Variants in DPYSL5 observed in about 807,000 individuals in gnomAD.
DPYSL5 encodes dihydropyrimidinase-related protein 5.
In DPYSL5, 9 loss-of-function variants were observed where a neutral mutation model predicts 58.4. That is an observed-to-expected ratio of 0.15 (90% CI 0.09 to 0.27). The LOEUF (loss-of-function observed/expected upper bound fraction) is 0.27, where lower values mean the gene tolerates loss of function less well. Ranked by LOEUF, DPYSL5 falls within the 10% of genes least tolerant of loss-of-function variation. The probability of loss-of-function intolerance (pLI) is 1.00; values close to 1 mark genes in which losing one functional copy is unlikely to be tolerated. For missense variants in DPYSL5, 499 were observed against 770.6 expected (o/e 0.65, Z 4.17); for synonymous variants, 293 against 301.9 (o/e 0.97, Z 0.31).
At chr2:26,932,155 G>T (rs1159443193) in intron 6 of DPYSL5, among the ~76,000 whole-genome samples, 51 of 52,352 alleles carry the variant, frequency 9.7e-4, no homozygotes, top group African/African-American at 3.5e-3. Context: ...AAGAAAGAAA[G>T]AAAGAAAGAA....
At chr2:26,920,052 T>C (rs1214919950) in intron 2 of DPYSL5, among the ~76,000 whole-genome samples, 4 of 152,228 alleles carry the variant, frequency 2.6e-5, no homozygotes, top group African/African-American at 9.6e-5. Context: ...TGTATAAATT[T>C]TTAAATGTTA....
Position 26,933,303 on chromosome 2 carries a change from G to A in DPYSL5, c.760G>A (p.Gly254Ser). 1.2e-6 allele frequency: 2 copies of A among 1,614,152 alleles called. No individual in the cohort carries two copies. Among genetic ancestry groups the A allele is most frequent in the Non-Finnish European group, 1.7e-6 (2 of 1,180,016 alleles). The change falls in exon 7 of 13, where the codon GGT becomes AGT. Residue 254 changes from glycine to serine, a missense_variant. By Grantham distance (56) the Gly-to-Ser change is moderately conservative (BLOSUM62 0). Coordinates refer to ENST00000288699, the MANE Select transcript of DPYSL5 (RefSeq NM_020134.4). This position sits in a 1 kb window ranked among gnomAD's most constrained non-coding sequence, Gnocchi z 4.2. Reference protein sequence around the residue: ...YLVNVSSISAGDVIAAAKMQG... With the variant: ...YLVNVSSISASDVIAAAKMQG... ...GGTCAACGTGTCCAGTATCTCGGCT[G>A]GTGACGTTATCGCAGCTGCTAAGAT...
At chr2:26,902,631 G>A (rs147284884) in intron 2 of DPYSL5, among the ~76,000 whole-genome samples, 181 of 152,218 alleles carry the variant, frequency 1.2e-3, no homozygotes, top group African/African-American at 4.0e-3. Context: ...TGTCAGAGAC[G>A]TGTGAACCAG....
intron 2 of DPYSL5, among the ~76,000 whole-genome samples, chr2:26,921,392 C>T (rs1015301652): frequency 5.3e-5 from 8 of 152,314 alleles, no homozygotes; most frequent in African/African-American, 1.7e-4. Context: ...ACTTAACCAA[C>T]ACCATTTTTT....
At chr2:26,854,663 C>T (rs1228274704) in intron 1 of DPYSL5, among the ~76,000 whole-genome samples, 1 of 152,180 alleles carries the variant, frequency 6.6e-6, no homozygotes, top group Admixed American at 6.5e-5. Context: ...TTTTCTCGTC[C>T]AGGTGGCTTC....
intron 1 of DPYSL5, among the ~76,000 whole-genome samples, chr2:26,866,632 A>G (rs1265091616): frequency 2.0e-5 from 3 of 152,288 alleles, no homozygotes; most frequent in African/African-American, 4.8e-5. Flanking sequence ...ATCATTACAC[A>G]TTATATACAT....
chr2:26,935,794 T>C (rs373369820), intron 8 of DPYSL5, among the ~76,000 whole-genome samples: 1 of 152,012 alleles, frequency 6.6e-6, no homozygotes, highest in East Asian at 1.9e-4. Context: ...TCCCTCCTGA[T>C]CCCCAGCTCA....
In DPYSL5 at chr2:26,944,723, G is replaced by A; in HGVS notation, c.1508G>A (p.Gly503Glu). Residue 503 changes from glycine to glutamate, a missense_variant, in exon 12 of 13, where the codon GGG becomes GAG. Coordinates refer to ENST00000288699, the MANE Select transcript of DPYSL5 (RefSeq NM_020134.4). This position sits in a 1 kb window ranked among gnomAD's most constrained non-coding sequence, Gnocchi z 4.4. Reference sequence around the variant, plus strand: ...GATGTCGCTGTTGTCGTGCACCCTGGGAAAAAAGAGATGGGAACCCCACTC... The same window carrying A: ...GATGTCGCTGTTGTCGTGCACCCTGAGAAAAAAGAGATGGGAACCCCACTC... Reference protein sequence around the residue: ...LGDVAVVVHPGKKEMGTPLAD... With the variant: ...LGDVAVVVHPEKKEMGTPLAD... 2 of 1,613,994 alleles carry A rather than the reference G, an allele frequency of 1.2e-6. No homozygotes were observed. The highest frequency in any genetic ancestry group is 1.7e-6 in the Non-Finnish European group (2 of 1,179,994).
At position 26,849,281 on chromosome 2, in the gene DPYSL5, G is replaced by A. The variant is rs571897169; in HGVS notation, c.-5+1027G>A. Reference sequence around the variant, plus strand: ...CGCCTGGGTTTGAGGAGGGAGGACGGGAGCGAGGAGAAGACCCGCGCTGTG... The same window carrying A: ...CGCCTGGGTTTGAGGAGGGAGGACGAGAGCGAGGAGAAGACCCGCGCTGTG... On this transcript the variant is annotated intron_variant, in intron 1 of 12. Transcript: ENST00000288699. The surrounding 1 kb of genome is among the most constrained non-coding windows in gnomAD (Gnocchi z 6.2). Among the ~76,000 whole-genome samples the A allele has an allele frequency of 7.2e-5, 11 of 151,884 alleles. No individual in the cohort carries two copies. The highest frequency in any genetic ancestry group is 2.1e-4 in the South Asian group (1 of 4,810).
chr2:26,873,982 G>C (rs1663338688), intron 1 of DPYSL5, among the ~76,000 whole-genome samples: 1 of 152,056 alleles, frequency 6.6e-6, no homozygotes, highest in Admixed American at 6.6e-5. Context: ...TTTCATTGTG[G>C]TTTTAATTTG....
chr2:26,939,797 A>C, intron 8 of DPYSL5: 1 of 511,596 alleles, frequency 2.0e-6, no homozygotes, highest in East Asian at 3.3e-5. Flanking sequence ...CAAGGCTCTC[A>C]CTGAAGTCTC....
chr2:26,921,636 T>C (rs1248412163), intron 2 of DPYSL5, among the ~76,000 whole-genome samples: 5 of 152,204 alleles, frequency 3.3e-5, no homozygotes, highest in African/African-American at 1.2e-4. Context: ...CAACTCTATG[T>C]ATGTCTTGCC....
chr2:26,849,159 C>T lies in DPYSL5; in HGVS notation c.-5+905C>T, dbSNP rs1373085770. On this transcript the variant is annotated intron_variant, in intron 1 of 12. Transcript: ENST00000288699. This position sits in a 1 kb window ranked among gnomAD's most constrained non-coding sequence, Gnocchi z 6.2. ...GAAAGAGAAGGGGCGGGGGCGGGTC[C>T]GAAGAACGAGGGAAGGAGCTCGGTG... is the stretch of plus-strand genomic sequence containing the variant. 6.7e-6 allele frequency among the ~76,000 whole-genome samples: 1 copy of T among 149,700 alleles called. No individual in the cohort carries two copies. The highest frequency in any genetic ancestry group is 2.5e-5 in the African/African-American group (1 of 40,520).
rs1665606363 is a variant in DPYSL5, at chr2:26,950,324, G to T, written c.*3329G>T. On this transcript the variant is annotated 3_prime_UTR_variant, in exon 13 of 13. Transcript: ENST00000288699. This position sits in a 1 kb window ranked among gnomAD's most constrained non-coding sequence, Gnocchi z 5.3. ...CCCGACACGTTGTGTTCTGGTGCAG[G>T]TTTGTATTAAACTGTAGCTACTTCT... 6.6e-6 allele frequency: 1 copy of T among 152,168 alleles called. No individual in the cohort carries two copies. The highest frequency in any genetic ancestry group is 6.5e-5 in the Admixed American group (1 of 15,276). 9.4% of individuals were successfully genotyped at this position (152,168 alleles called of 1,614,324 possible).
intron 1 of DPYSL5, among the ~76,000 whole-genome samples, chr2:26,874,880 G>C (rs759927561): frequency 1.3e-5 from 2 of 152,170 alleles, no homozygotes; most frequent in Non-Finnish European, 2.9e-5. Flanking sequence ...GGCCTATTAG[G>C]ATTTTGATTG....
intron 1 of DPYSL5, among the ~76,000 whole-genome samples, chr2:26,858,849 C>T (rs1665944524): frequency 6.6e-6 from 1 of 151,824 alleles, no homozygotes; most frequent in South Asian, 2.1e-4. Flanking sequence ...GCTGGGATTA[C>T]AGACATCCAC....
At chr2:26,936,875 G>C (rs535174542) in intron 8 of DPYSL5, among the ~76,000 whole-genome samples, 2 of 145,098 alleles carry the variant, frequency 1.4e-5, no homozygotes, top group East Asian at 4.4e-4. Context: ...GAACCCAGGA[G>C]GCGGAGGTTG....
chr2:26,855,675 G>A (rs893760319), intron 1 of DPYSL5, among the ~76,000 whole-genome samples: 1 of 152,142 alleles, frequency 6.6e-6, no homozygotes, highest in Non-Finnish European at 1.5e-5. Flanking sequence ...TGTCACTCCA[G>A]TGTCCATTTC....
chr2:26,875,671 G>C lies in DPYSL5; in HGVS notation c.-4-22825G>C, dbSNP rs190852235. Among the ~76,000 whole-genome samples the C allele has an allele frequency of 4.5e-4, 69 of 152,290 alleles. 2 individuals carry two copies. Among genetic ancestry groups the C allele is most frequent in the African/African-American group, 1.6e-3 (65 of 41,558 alleles). On this transcript the variant is annotated intron_variant, in intron 1 of 12. Transcript: ENST00000288699. ...TGTTGGACTCTACACCTGCCTTCTG[G>C]GTTTGGTTCTTGGCCTGGGCTGGTG... is the stretch of plus-strand genomic sequence containing the variant.
Sources: gnomAD v4.1 joint callset for allele counts (sites outside exome capture counted in the v4.1 genomes callset) on GRCh38, gnomAD v4.1.1 for gene constraint, Gnocchi (gnomAD v3.1) non-coding constraint, MANE v1.5 for transcripts, NCBI Gene and HGNC (gene_info 2026-07-23, HGNC 2026-07-21) for gene names.